The following UNC13C variants were observed in gnomAD, a reference collection of about 807,000 sequenced individuals.
UNC13C encodes protein unc-13 homolog C.
UNC13C carries 174 observed loss-of-function variants against 245.4 expected under a neutral mutation model. That is an observed-to-expected ratio of 0.71 (90% confidence interval 0.63 to 0.80). The LOEUF (loss-of-function observed/expected upper bound fraction) is 0.80. Among genes scored for constraint, UNC13C ranks in the 30% least tolerant of loss-of-function variants. UNC13C has a pLI of 0.00. For synonymous variants in UNC13C, 992 were observed against 895.1 expected (o/e 1.11, Z -1.93); for missense variants, 2,829 against 2,602.9 (o/e 1.09, Z -1.89).
intron 28 of UNC13C, among the ~76,000 whole-genome samples, chr15:54,552,057 T>C (rs1307746683): frequency 6.6e-6 from 1 of 150,724 alleles, no homozygotes; most frequent in Non-Finnish European, 1.5e-5. Context: ...TATTTAGGAG[T>C]ATTGATAGAT....
At chr15:53,968,782 CCA>C in the UNC13C span, among the ~76,000 whole-genome samples, 1 of 152,114 alleles carries the variant, frequency 6.6e-6, no homozygotes, top group South Asian at 2.1e-4. Flanking sequence ...TGGAAAGAGT[CCA>C]GTTTTTGTTT....
chr15:54,481,544 C>T (rs8038538), intron 19 of UNC13C, among the ~76,000 whole-genome samples: 62,724 of 151,960 alleles, frequency 0.41, 13,227 homozygotes, highest in East Asian at 0.62. Flanking sequence ...CAGGATGATA[C>T]ATGCAAGTAC....
At chr15:54,417,157 T>C (rs1461032477) in intron 19 of UNC13C, 1 of 352,952 alleles carries the variant, frequency 2.8e-6, no homozygotes, top group Non-Finnish European at 5.6e-6. Context: ...TCTATGACTT[T>C]TACCAACATA....
At chr15:54,379,628 T>C (rs2039678260) in intron 17 of UNC13C, among the ~76,000 whole-genome samples, 1 of 152,132 alleles carries the variant, frequency 6.6e-6, no homozygotes, top group South Asian at 2.1e-4. Context: ...TTATCCTGAT[T>C]TAGTAGGTCT....
chr15:54,230,872 T>C (rs1278828811), intron 4 of UNC13C, among the ~76,000 whole-genome samples: 2 of 152,036 alleles, frequency 1.3e-5, no homozygotes, highest in Non-Finnish European at 2.9e-5. Flanking sequence ...TGTATAGTTA[T>C]GATGTTAATT....
intron 18 of UNC13C, among the ~76,000 whole-genome samples, chr15:54,395,683 T>A (rs1350705404): frequency 6.6e-6 from 1 of 151,830 alleles, no homozygotes; most frequent in East Asian, 1.9e-4. Flanking sequence ...TTGATTCAGA[T>A]CATTTAGTGA....
the UNC13C span, among the ~76,000 whole-genome samples, chr15:53,952,722 T>C: frequency 6.6e-6 from 1 of 152,206 alleles, no homozygotes; most frequent in South Asian, 2.1e-4. Flanking sequence ...TGATTGAAGC[T>C]AGGCATAAGA....
intron 16 of UNC13C, among the ~76,000 whole-genome samples, chr15:54,336,084 T>C (rs2038567470): frequency 6.6e-6 from 1 of 152,120 alleles, no homozygotes; most frequent in Admixed American, 6.6e-5. Context: ...TATCTTTTTT[T>C]GTGAAGAATG....
intron 2 of UNC13C, chr15:54,048,742 T>C (rs547256520): frequency 7.1e-6 from 2 of 282,498 alleles, no homozygotes; most frequent in Admixed American, 9.0e-5. Context: ...TCAGGGAGAA[T>C]AACAGGATAT....
chr15:54,050,355 C>A, intron 2 of UNC13C: 1 of 560,914 alleles, frequency 1.8e-6, no homozygotes, highest in South Asian at 1.4e-5. Flanking sequence ...GAATACCATT[C>A]CTCAGAAGGC....
intron 30 of UNC13C, among the ~76,000 whole-genome samples, chr15:54,617,041 C>G (rs537298575): frequency 6.6e-6 from 1 of 152,178 alleles, no homozygotes; most frequent in East Asian, 1.9e-4. Flanking sequence ...CTATACCCTA[C>G]CACTTAGAAG....
At chr15:54,096,018 T>C (rs1899842583) in intron 2 of UNC13C, among the ~76,000 whole-genome samples, 1 of 152,136 alleles carries the variant, frequency 6.6e-6, no homozygotes, top group Non-Finnish European at 1.5e-5. Flanking sequence ...ACCTTAGCTA[T>C]ATTTGACTAG....
At chr15:54,428,433 G>A (rs949672489) in intron 19 of UNC13C, among the ~76,000 whole-genome samples, 1 of 151,338 alleles carries the variant, frequency 6.6e-6, no homozygotes, top group African/African-American at 2.4e-5. Context: ...CTGCATATCT[G>A]TTCCCTCTGC....
At chr15:54,011,389 C>G (rs1895375183) in intron 1 of UNC13C, among the ~76,000 whole-genome samples, 1 of 152,040 alleles carries the variant, frequency 6.6e-6, no homozygotes, top group Non-Finnish European at 1.5e-5. Flanking sequence ...TTGATTTAAA[C>G]AAAAAGAACC....
downstream of UNC13C, chr15:54,628,823 C>T (rs968280012): frequency 1.3e-5 from 2 of 152,124 alleles, no homozygotes; most frequent in African/African-American, 4.8e-5. Context: ...TTTGTTTATA[C>T]ACTGCTGGTG....
In UNC13C at chr15:54,264,373, G is replaced by T. The variant is rs1245720366; in HGVS notation, c.3654G>T (p.Trp1218Cys). Residue 1218 changes from tryptophan (W) to cysteine (C), a missense_variant, in exon 9 of 33, where the codon TGG (tryptophan) becomes TGT (cysteine). Coordinates refer to ENST00000260323, the MANE Select transcript of UNC13C (RefSeq NM_001080534.3). The part of the protein sequence containing the change: ...KQSVLDGTSK[W>C]SAKITITVVS... The stretch of plus-strand genomic sequence containing the variant: ...GTGTACTGGATGGGACATCTAAGTG[G>T]TCTGCAAAAATAACCATTACAGGTA... 3 of 1,598,446 alleles carry T rather than the reference G, an allele frequency of 1.9e-6. No individual in the cohort carries two copies. The highest frequency in any genetic ancestry group is 1.7e-6 in the Non-Finnish European group (2 of 1,171,760).
At chr15:54,314,446 A>ATT (rs5812754) in intron 13 of UNC13C, among the ~76,000 whole-genome samples, 52 of 151,062 alleles carry the variant, frequency 3.4e-4, no homozygotes, top group Non-Finnish European at 6.7e-4. Context: ...AAAATAAAGA[A>ATT]TTTTTTTTAT....
chr15:54,323,517 A>C (rs879731726), intron 14 of UNC13C, among the ~76,000 whole-genome samples: 2 of 152,046 alleles, frequency 1.3e-5, no homozygotes, highest in African/African-American at 4.8e-5. Context: ...TGATAAAATG[A>C]GATAAAAGAT....
chr15:54,332,153 G>T (rs1489082859), intron 15 of UNC13C, 42 bp downstream of exon 15: 2 of 1,370,372 alleles, frequency 1.5e-6, no homozygotes, highest in South Asian at 2.9e-5. Flanking sequence ...CTGTTGTTTG[G>T]TCTAGAGAAT....
Sources: allele counts gnomAD v4.1 joint callset (sites outside exome capture counted in the v4.1 genomes callset), GRCh38; gene constraint gnomAD v4.1.1; transcripts MANE v1.5; gene names NCBI Gene and HGNC (gene_info 2026-07-23, HGNC 2026-07-21).